SRPX: variants seen among roughly 807,000 people sequenced by gnomAD.
The protein encoded by SRPX is sushi repeat-containing protein SRPX.
Under a neutral mutation model 38.1 loss-of-function variants are expected in SRPX, and 24 were observed. That is an observed-to-expected ratio of 0.63 (90% confidence interval 0.46 to 0.89). The LOEUF is 0.89. Among genes scored for constraint, SRPX ranks in the 40% least tolerant of loss-of-function variants. The probability of loss-of-function intolerance (pLI) is 0.00; values close to 1 mark genes in which losing one functional copy is unlikely to be tolerated. For synonymous variants in SRPX, 184 were observed against 153.8 expected, an observed-to-expected ratio of 1.20 and a Z score of -1.45; for missense variants, 416 against 377.8, an observed-to-expected ratio of 1.10 and a Z score of -0.84.
chrX:38,196,530 A>G (rs1405664010), intron 1 of SRPX, among the ~76,000 whole-genome samples: 1 of 112,534 alleles, frequency 8.9e-6, no homozygotes, highest in African/African-American at 3.2e-5. Context: ...CTCAGGAGAT[A>G]TGCTATAGGG....
At chrX:38,169,154 T>A (rs923668586) in intron 4 of SRPX, among the ~76,000 whole-genome samples, 3 of 112,820 alleles carry the variant, frequency 2.7e-5, no homozygotes, top group Non-Finnish European at 3.7e-5. Context: ...AGTATCTCAG[T>A]CAATCAAGTT....
intron 7 of SRPX, 99 bp from the exon 8 acceptor site, chrX:38,157,128 C>T: frequency 2.0e-6 from 2 of 1,025,534 alleles, no homozygotes; most frequent in African/African-American, 1.9e-5. Flanking sequence ...AAGAAGTAAA[C>T]CCTGAGATAA....
intron 1 of SRPX, among the ~76,000 whole-genome samples, chrX:38,182,224 G>T (rs896062792): frequency 6.2e-5 from 7 of 112,142 alleles, no homozygotes; most frequent in Non-Finnish European, 1.3e-4. Flanking sequence ...GTAAATCAGG[G>T]ATTCGAATCC....
intron 5 of SRPX, among the ~76,000 whole-genome samples, chrX:38,161,710 T>C (rs1177112977): frequency 8.9e-6 from 1 of 111,737 alleles, no homozygotes; most frequent in Non-Finnish European, 1.9e-5. Flanking sequence ...CCCTATAAGG[T>C]AGGTAGTATT....
At chrX:38,202,665 T>C (rs1171514494) in intron 1 of SRPX, among the ~76,000 whole-genome samples, 3 of 111,879 alleles carry the variant, frequency 2.7e-5, no homozygotes, top group Non-Finnish European at 5.6e-5. Context: ...ATTACCAATA[T>C]TAGGAATGAA....
chrX:38,178,223 G>C, intron 2 of SRPX, 62 bp downstream of exon 2: 1 of 938,248 alleles, frequency 1.1e-6, no homozygotes, highest in Non-Finnish European at 1.5e-6. Flanking sequence ...GTTTCACAAG[G>C]CAAAAAGGAA....
intron 1 of SRPX, among the ~76,000 whole-genome samples, chrX:38,190,271 G>A (rs187402985): frequency 8.9e-6 from 1 of 112,097 alleles, no homozygotes; most frequent in African/African-American, 3.2e-5. Context: ...AGAAGAGAGT[G>A]TGAAGAAAGA....
intron 4 of SRPX, among the ~76,000 whole-genome samples, chrX:38,167,411 C>G (rs925332643): frequency 9.0e-6 from 1 of 111,295 alleles, no homozygotes; most frequent in Non-Finnish European, 1.9e-5. Flanking sequence ...CAGCTGCCTT[C>G]TCTCTCGGCT....
chrX:38,198,616 C>A (rs777930141), intron 1 of SRPX, among the ~76,000 whole-genome samples: 1 of 111,748 alleles, frequency 8.9e-6, no homozygotes, highest in Non-Finnish European at 1.9e-5. Context: ...TGGGCTGTAG[C>A]AAATGCTTCT....
intron 1 of SRPX, among the ~76,000 whole-genome samples, chrX:38,179,072 G>A (rs1938621405): frequency 9.3e-6 from 1 of 107,880 alleles, no homozygotes; most frequent in South Asian, 4.2e-4. Flanking sequence ...TCGGCCTCCT[G>A]AATAGCTGGA....
chrX:38,159,667 T>G (rs1423321354), intron 7 of SRPX, among the ~76,000 whole-genome samples: 1 of 112,967 alleles, frequency 8.9e-6, no homozygotes, highest in African/African-American at 3.2e-5. Flanking sequence ...TGATATTGTC[T>G]CTACATGGCA....
chrX:38,160,140 C>T lies in SRPX; in HGVS notation c.832G>A (p.Asp278Asn), dbSNP rs1286946317. The T allele has an allele frequency of 2.5e-6, 3 of 1,210,403 alleles. No individual in the cohort carries two copies. The highest frequency in any genetic ancestry group is 1.7e-5 in the African/African-American group (1 of 57,288). Residue 278 changes from aspartate (D) to asparagine (N), a missense_variant, in exon 7 of 10, where the codon GAC becomes AAC. Coordinates refer to ENST00000378533, the MANE Select transcript of SRPX (RefSeq NM_006307.5). ...PENGYMKCSS[D>N]GDNYGATCEF... ...CAGGTGGCTCCATAATTATCACCGT[C>T]GCTGGAGCACTTCATGTAACCATTC...
At chrX:38,196,206 C>T (rs748108849) in intron 1 of SRPX, among the ~76,000 whole-genome samples, 1 of 112,231 alleles carries the variant, frequency 8.9e-6, no homozygotes, top group East Asian at 2.8e-4. Flanking sequence ...AACCTCATTT[C>T]TTTGGTTTAC....
rs1939498366 is a variant in SRPX, at chrX:38,220,584, GCAAA to G, written c.97+108_97+111del. 17 of 1,060,231 alleles carry G rather than the reference GCAAA, an allele frequency of 1.6e-5. No homozygotes were observed. The East Asian group carries it at 1.8e-4, about 11-fold the overall frequency. 87.4% of individuals were successfully genotyped at this position (1,060,231 alleles called of 1,213,427 possible). A position where few individuals can be genotyped will look rare whatever the true frequency, so the allele number is the denominator to read the frequency against. ...TCGGGCTGCGAAAGAGGAGTTCTGC[GCAAA>G]CAAAGGGCGCCCCCGGCACCTCCCT... On this transcript the variant is annotated intron_variant, in intron 1 of 9. Transcript: ENST00000378533.
chrX:38,154,419 G>A, intron 9 of SRPX, 43 bp downstream of exon 9: 1 of 1,172,290 alleles, frequency 8.5e-7, no homozygotes, highest in Non-Finnish European at 1.1e-6. Context: ...AGTTAAAAAT[G>A]CATTCACAGG....
intron 1 of SRPX, among the ~76,000 whole-genome samples, chrX:38,198,524 T>C (rs1281925213): frequency 8.9e-6 from 1 of 112,034 alleles, no homozygotes; most frequent in East Asian, 2.8e-4. Context: ...CCTGGCTTAT[T>C]AGGAACACTC....
intron 4 of SRPX, among the ~76,000 whole-genome samples, 193 bp downstream of exon 4, chrX:38,171,688 C>T (rs1245416903): frequency 8.9e-6 from 1 of 112,132 alleles, no homozygotes; most frequent in Non-Finnish European, 1.9e-5. Flanking sequence ...CCATCAGCTA[C>T]GAAGTCAGCT....
At chrX:38,199,001 C>A (rs760390200) in intron 1 of SRPX, among the ~76,000 whole-genome samples, 1 of 110,828 alleles carries the variant, frequency 9.0e-6, no homozygotes, top group South Asian at 3.9e-4. Flanking sequence ...GGTTTTTTTT[C>A]ATTGCCATTG....
chrX:38,209,517 G>C (rs993968413), intron 1 of SRPX, among the ~76,000 whole-genome samples: 7 of 112,063 alleles, frequency 6.2e-5, no homozygotes, highest in Non-Finnish European at 1.3e-4. Flanking sequence ...TGAGAAGGAA[G>C]ACACAGCCTC....
Sources: allele counts gnomAD v4.1 joint callset (sites outside exome capture counted in the v4.1 genomes callset), GRCh38; gene constraint gnomAD v4.1.1; transcripts MANE v1.5; gene names NCBI Gene and HGNC (gene_info 2026-07-23, HGNC 2026-07-21).